The following CMKLR2 variants were observed in gnomAD, a reference collection of about 807,000 sequenced individuals.
The protein encoded by CMKLR2 is chemerin chemokine-like receptor 2, also known as chemerin-like receptor 2.
CMKLR2 carries 18 observed loss-of-function variants against 23.0 expected under a neutral mutation model. That is an observed-to-expected ratio of 0.78 (90% CI 0.54 to 1.16). CMKLR2 has a LOEUF of 1.16. Among genes scored for constraint, CMKLR2 ranks in the 50% most tolerant of loss-of-function variants. The pLI, the probability that CMKLR2 is intolerant of heterozygous loss-of-function variation, is 0.00. For missense variants in CMKLR2, 401 were observed against 412.7 expected (o/e 0.97, Z 0.25); for synonymous variants, 158 against 158.9 (o/e 0.99, Z 0.05).
chr2:206,180,559 C>A (rs1316881913), intron 1 of CMKLR2, among the ~76,000 whole-genome samples: 1 of 151,972 alleles, frequency 6.6e-6, no homozygotes, highest in Non-Finnish European at 1.5e-5. Context: ...CTCCACCTCC[C>A]AAGTAGCTGG....
intron 1 of CMKLR2, among the ~76,000 whole-genome samples, chr2:206,210,633 G>C (rs1450252753): frequency 6.6e-6 from 1 of 151,832 alleles, no homozygotes; most frequent in Non-Finnish European, 1.5e-5. Flanking sequence ...TAATTTTTTT[G>C]TATTGTTAGT....
At chr2:206,207,728 C>CTTTTTTTTTTT (rs71034423) in intron 1 of CMKLR2, among the ~76,000 whole-genome samples, 2,029 of 43,502 alleles carry the variant, frequency 0.047, 560 homozygotes, top group African/African-American at 0.076. Context: ...ACCTCAGGGC[C>CTTTTTTTTTTT]TTTTTTTTTT....
At chr2:206,185,261 C>T (rs1165656086) in intron 1 of CMKLR2, among the ~76,000 whole-genome samples, 1 of 152,222 alleles carries the variant, frequency 6.6e-6, no homozygotes, top group Non-Finnish European at 1.5e-5. Context: ...GCTAGGATTA[C>T]AGGCTTAAGC....
chr2:206,176,658 T>C lies in CMKLR2; in HGVS notation c.590A>G (p.Asp197Gly), dbSNP rs755257238. The change falls in exon 2 of 2, where the codon GAC becomes GGC. Residue 197 changes from aspartate to glycine, a missense_variant. Physicochemically the swap from Asp to Gly is moderately conservative, Grantham distance 94. Coordinates refer to ENST00000621141, the MANE Select transcript of CMKLR2 (RefSeq NM_001389445.1). ...CYNNFQKHDPDLTLIRHHVLT... is the reference protein window; with the variant it reads ...CYNNFQKHDPGLTLIRHHVLT... ...AACATGGTGCCTGATCAAAGTGAGG[T>C]CAGGATCATGCTTCTGAAAATTGTT... 3 of 1,614,100 alleles carry C rather than the reference T, an allele frequency of 1.9e-6. No homozygotes were observed. The highest frequency in any genetic ancestry group is 2.2e-5 in the South Asian group (2 of 91,088).
Sources: allele counts gnomAD v4.1 joint callset (sites outside exome capture counted in the v4.1 genomes callset), GRCh38; gene constraint gnomAD v4.1.1; transcripts MANE v1.5; gene names NCBI Gene and HGNC (gene_info 2026-07-23, HGNC 2026-07-21).